The following IGF1R variants were observed in gnomAD, a reference collection of about 807,000 sequenced individuals.
IGF1R encodes the protein insulin-like growth factor 1 receptor.
IGF1R carries 44 observed loss-of-function variants against 144.6 expected under a neutral mutation model. That is an observed-to-expected ratio of 0.30 (90% CI 0.24 to 0.39). IGF1R has a LOEUF of 0.39. Among genes scored for constraint, IGF1R ranks in the 10% least tolerant of loss-of-function variants. The pLI is 1.00. For synonymous variants in IGF1R, 795 were observed against 722.8 expected (o/e 1.10, Z -1.60); for missense variants, 1,355 against 1,833.7 (o/e 0.74, Z 4.77).
At chr15:98,670,359 T>G (rs1480909999) in intron 1 of IGF1R, among the ~76,000 whole-genome samples, 1 of 152,036 alleles carries the variant, frequency 6.6e-6, no homozygotes, top group African/African-American at 2.4e-5. Context: ...CATCAGAACT[T>G]TAAAAATGTA....
chr15:98,837,353 C>G (rs1376455854), intron 2 of IGF1R, among the ~76,000 whole-genome samples: 1 of 152,202 alleles, frequency 6.6e-6, no homozygotes, highest in Admixed American at 6.5e-5. Flanking sequence ...GTTCTCCTGC[C>G]TCAGCCTCCT....
At chr15:98,939,174 A>C in intron 17 of IGF1R, 27 bp from the exon 18 acceptor site, 1 of 1,605,810 alleles carries the variant, frequency 6.2e-7, no homozygotes, top group Non-Finnish European at 8.5e-7. Flanking sequence ...CAAAATTCTC[A>C]TGTGAATTTT....
chr15:98,672,214 C>T (rs1320392738), intron 1 of IGF1R, among the ~76,000 whole-genome samples: 2 of 152,076 alleles, frequency 1.3e-5, no homozygotes, highest in Non-Finnish European at 2.9e-5. Flanking sequence ...CCAAAGTAAC[C>T]AAGAAAATGA....
intron 2 of IGF1R, among the ~76,000 whole-genome samples, chr15:98,759,353 G>A (rs28415045): frequency 0.24 from 36,638 of 152,094 alleles, 4,653 homozygotes; most frequent in South Asian, 0.4. Flanking sequence ...GTCTGTTCTT[G>A]GTTTTAATAA....
chr15:98,942,104 T>C (rs2016386627), intron 18 of IGF1R, among the ~76,000 whole-genome samples: 1 of 152,194 alleles, frequency 6.6e-6, no homozygotes, highest in African/African-American at 2.4e-5. Flanking sequence ...GGCATCTTAC[T>C]GGGTACTTTT....
intron 2 of IGF1R, among the ~76,000 whole-genome samples, chr15:98,784,949 G>T (rs1376892189): frequency 6.6e-6 from 1 of 152,142 alleles, no homozygotes; most frequent in Non-Finnish European, 1.5e-5. Flanking sequence ...AGGGATGACT[G>T]TATTTACAAC....
Position 98,649,149 on chromosome 15 carries a change from C to G in IGF1R, c.-433C>G, listed in dbSNP as rs1332338968. On this transcript the variant is annotated 5_prime_UTR_variant, in exon 1 of 21. Coordinates refer to ENST00000650285, the MANE Select transcript of IGF1R (RefSeq NM_000875.5). ...TCTTGCGAACTGCGTCGCGCCCTCC[C>G]GCGGCGGAAGCTCGGGCGTCCGGCC... The G allele has an allele frequency of 4.6e-6, 1 of 219,244 alleles. No homozygotes were observed. Among genetic ancestry groups the G allele is most frequent in the Admixed American group, 5.8e-5 (1 of 17,238 alleles). The allele number at this position is 219,244 out of a possible 1,614,324, so 13.6% of individuals were successfully genotyped here. A position where few individuals can be genotyped will look rare whatever the true frequency, so the allele number is the denominator to read the frequency against.
rs981612089 is a variant in IGF1R at position 98,952,301 on chromosome 15, C to T, written c.3722+3593C>T. On this transcript the variant is annotated intron_variant, in intron 20 of 20. Coordinates refer to ENST00000650285, the MANE Select transcript of IGF1R (RefSeq NM_000875.5). ...AGCCTGGCTACCCCCCAGTACCCCA[C>T]CAACACACACACACACACACACACA... Among the ~76,000 whole-genome samples the T allele has an allele frequency of 2.4e-5, 3 of 123,906 alleles. No homozygotes were observed. In the Admixed American group the frequency reaches 2.9e-4, roughly 12 times the overall value. 81.3% of individuals were successfully genotyped at this position (123,906 alleles called of 152,430 possible). A position where few individuals can be genotyped will look rare whatever the true frequency, so the allele number is the denominator to read the frequency against.
chr15:98,739,811 C>G (rs1468579992), intron 2 of IGF1R, among the ~76,000 whole-genome samples: 1 of 152,144 alleles, frequency 6.6e-6, no homozygotes, highest in African/African-American at 2.4e-5. Flanking sequence ...AGGCTGTTCT[C>G]GAATTCCTGA....
In IGF1R at chr15:98,669,068, G is replaced by T. The variant is rs190314860; in HGVS notation, c.94+19393G>T. On this transcript the variant is annotated intron_variant, in intron 1 of 20. Transcript: ENST00000650285. ...TGAGCTTTAAGCTGGGTAGAATTTC[G>T]TGATGAGTCACTCCTATGACTGTAA... 7.0e-3 allele frequency among the ~76,000 whole-genome samples: 1,061 copies of T among 152,274 alleles called. 7 individuals carry two copies. Among genetic ancestry groups the T allele is most frequent in the Non-Finnish European group, 0.011 (719 of 68,020 alleles).
chr15:98,699,657 A>T (rs1484595868), intron 1 of IGF1R, among the ~76,000 whole-genome samples: 1 of 152,194 alleles, frequency 6.6e-6, no homozygotes, highest in East Asian at 1.9e-4. Flanking sequence ...TTCCCGTTAA[A>T]GTTTCCATGT....
chr15:98,711,735 C>T lies in IGF1R; in HGVS notation c.640+3628C>T, dbSNP rs74032541. Among the ~76,000 whole-genome samples the T allele has an allele frequency of 7.6e-3, 1,155 of 152,250 alleles. 20 individuals carry two copies. Among genetic ancestry groups the T allele is most frequent in the African/African-American group, 0.027 (1,102 of 41,536 alleles). Reference sequence around the variant, plus strand: ...AGGTGCCGCTTCTCTGTCTCCCTTCCCTCAGTCTGGCTTTTAACGGTGGTC... The same window carrying T: ...AGGTGCCGCTTCTCTGTCTCCCTTCTCTCAGTCTGGCTTTTAACGGTGGTC... On this transcript the variant is annotated intron_variant, in intron 2 of 20. Coordinates refer to ENST00000650285, the MANE Select transcript of IGF1R (RefSeq NM_000875.5).
intron 2 of IGF1R, among the ~76,000 whole-genome samples, chr15:98,730,454 C>T (rs779395565): frequency 9.9e-5 from 15 of 152,130 alleles, no homozygotes; most frequent in Non-Finnish European, 1.6e-4. Context: ...TAGCAGCTAG[C>T]GGCTTAAAAA....
At chr15:98,678,824 G>A (rs1448435239) in intron 1 of IGF1R, among the ~76,000 whole-genome samples, 5 of 151,272 alleles carry the variant, frequency 3.3e-5, no homozygotes, top group East Asian at 2.0e-4. Flanking sequence ...CATGCCTGGC[G>A]TAAAAAGATG....
At chr15:98,886,293 C>G (rs529488844) in intron 2 of IGF1R, among the ~76,000 whole-genome samples, 6 of 152,140 alleles carry the variant, frequency 3.9e-5, no homozygotes, top group East Asian at 1.9e-4. Flanking sequence ...TCCTCTCCCC[C>G]CAAGGAAAAA....
intron 5 of IGF1R, among the ~76,000 whole-genome samples, chr15:98,904,237 A>G (rs7165863): frequency 0.18 from 28,097 of 151,914 alleles, 3,260 homozygotes; most frequent in East Asian, 0.42. Context: ...TATTTTTAGT[A>G]GAGACGGGGT....
intron 2 of IGF1R, among the ~76,000 whole-genome samples, chr15:98,854,540 G>C (rs2011686453): frequency 6.6e-6 from 1 of 152,098 alleles, no homozygotes; most frequent in Non-Finnish European, 1.5e-5. Context: ...AGGGTGGCAG[G>C]GTGAATTCAT....
chr15:98,848,440 C>CCATCCTCCGCAAGCATCCACTAAGG (rs1215202645), intron 2 of IGF1R, among the ~76,000 whole-genome samples: 5 of 152,190 alleles, frequency 3.3e-5, no homozygotes, highest in Non-Finnish European at 7.4e-5. Flanking sequence ...CAAGATAGTG[C>CCATCCTCCGCAAGCATCCACTAAGG]CATCCTCCGC....
chr15:98,917,104 G>GT (rs2015288572), intron 10 of IGF1R: 1 of 618,620 alleles, frequency 1.6e-6, no homozygotes, highest in African/African-American at 1.8e-5. Flanking sequence ...GGCCACCGGT[G>GT]TGACAGGTAC....
Sources: gnomAD v4.1 joint callset for allele counts (sites outside exome capture counted in the v4.1 genomes callset) on GRCh38, gnomAD v4.1.1 for gene constraint, MANE v1.5 for transcripts, NCBI Gene and HGNC (gene_info 2026-07-23, HGNC 2026-07-21) for gene names.